Variants in BPIFB4 observed in about 807,000 individuals in gnomAD.
BPIFB4 encodes the protein BPI fold containing family B member 4, also known as BPI fold-containing family B member 4.
A neutral mutation model predicts 69.2 loss-of-function variants in BPIFB4; 62 were observed. That is an observed-to-expected ratio of 0.90 (90% confidence interval 0.73 to 1.11). The LOEUF is 1.11. BPIFB4 is among the 50% of genes least tolerant of loss of function. The probability of loss-of-function intolerance (pLI) is 0.00; values close to 1 mark genes in which losing one functional copy is unlikely to be tolerated. For synonymous variants in BPIFB4, 330 were observed against 332.7 expected, an observed-to-expected ratio of 0.99 and a Z score of 0.09; for missense variants, 789 against 792.0, an observed-to-expected ratio of 1.00 and a Z score of 0.04.
chr20:33,108,211 C>T (rs1334079484), intron 17 of BPIFB4, among the ~76,000 whole-genome samples: 5 of 152,066 alleles, frequency 3.3e-5, no homozygotes, highest in African/African-American at 1.2e-4. Flanking sequence ...ACAAGGACAA[C>T]CCTGGCCCTT....
At position 33,083,769 on chromosome 20, in the gene BPIFB4, TCGG is replaced by T; in HGVS notation, c.576_578del (p.Gly195del). 6.2e-7 allele frequency: 1 copy of T among 1,613,714 alleles called. No homozygotes were observed. Among genetic ancestry groups the T allele is most frequent in the Non-Finnish European group, 8.5e-7 (1 of 1,179,836 alleles). On this transcript the variant is annotated inframe_deletion, in exon 5 of 18. Transcript: ENST00000375483. ...ATCCTCGCAGGCCAAGGTGGCCTGCTCGGCGGAGGTGGTCTCCTTGGTGATGGA... is the reference window on the plus strand; with the variant it reads ...ATCCTCGCAGGCCAAGGTGGCCTGCTCGGAGGTGGTCTCCTTGGTGATGGA...
chr20:33,084,874 A>G lies in BPIFB4; in HGVS notation c.678-18A>G, dbSNP rs1339151164. 1 of 1,602,884 alleles carries G rather than the reference A, an allele frequency of 6.2e-7. No individual in the cohort carries two copies. Among genetic ancestry groups the G allele is most frequent in the South Asian group, 1.1e-5 (1 of 90,768 alleles). ...AGTTGGGGTGGCCGGCCTTCTCACC[A>G]CTCTGTGTCCCGAGCAGGCTGCGTA... On this transcript the variant is annotated intron_variant, in intron 5 of 17. Transcript: ENST00000375483.
intron 14 of BPIFB4, among the ~76,000 whole-genome samples, chr20:33,101,167 G>A (rs968052672): frequency 4.6e-5 from 7 of 152,180 alleles, no homozygotes; most frequent in African/African-American, 1.7e-4. Flanking sequence ...TCTCCCCTCT[G>A]ATGGTCCCAG....
At chr20:33,092,693 G>C in intron 11 of BPIFB4, 35 bp downstream of exon 11, 1 of 1,560,348 alleles carries the variant, frequency 6.4e-7, no homozygotes, top group Non-Finnish European at 8.8e-7. Flanking sequence ...AGGTGGCTGG[G>C]CAGCAGACAG....
chr20:33,101,310 C>T (rs952024389), intron 14 of BPIFB4, among the ~76,000 whole-genome samples: 1 of 152,132 alleles, frequency 6.6e-6, no homozygotes, highest in Admixed American at 6.5e-5. Flanking sequence ...TGACCTGCTG[C>T]ATTGGATGGG....
intron 13 of BPIFB4, among the ~76,000 whole-genome samples, chr20:33,098,694 G>A (rs1464148108): frequency 2.0e-5 from 3 of 148,476 alleles, no homozygotes; most frequent in African/African-American, 5.0e-5. Context: ...GCAGTGAGCC[G>A]AGATCGCACC....
At chr20:33,088,117 A>C (rs1364698140) in intron 7 of BPIFB4, among the ~76,000 whole-genome samples, 2 of 152,092 alleles carry the variant, frequency 1.3e-5, no homozygotes, top group Non-Finnish European at 2.9e-5. Context: ...TTAGACCAAA[A>C]ATCTGTCTGC....
intron 7 of BPIFB4, among the ~76,000 whole-genome samples, chr20:33,087,663 A>G (rs1981469030): frequency 6.6e-6 from 1 of 151,032 alleles, no homozygotes; most frequent in Non-Finnish European, 1.5e-5. Flanking sequence ...TTCCCAGAAG[A>G]GAAAAAGAGT....
At position 33,104,720 on chromosome 20, in the gene BPIFB4, T is replaced by C. The variant is rs1981995111; in HGVS notation, c.1681-90T>C. ...GACTCTCCCAGAGCAGGTCTGTGTCTCCACCTTGAGCCAGGGGAGCAGACC... is the reference window on the plus strand; with the variant it reads ...GACTCTCCCAGAGCAGGTCTGTGTCCCCACCTTGAGCCAGGGGAGCAGACC... On this transcript the variant is annotated intron_variant, in intron 15 of 17. Transcript: ENST00000375483. 5.6e-6 allele frequency: 7 copies of C among 1,255,668 alleles called. No homozygotes were observed. In the Admixed American group the frequency reaches 1.4e-4, roughly 24 times the overall value. 77.8% of individuals were successfully genotyped at this position (1,255,668 alleles called of 1,614,324 possible).
At chr20:33,108,502 G>T (rs1402576850) in intron 17 of BPIFB4, among the ~76,000 whole-genome samples, 3 of 147,898 alleles carry the variant, frequency 2.0e-5, no homozygotes, top group Admixed American at 6.9e-5. Flanking sequence ...CAGTCTTTCT[G>T]AAGTTTTATT....
chr20:33,103,365 A>T (rs1981958492), intron 15 of BPIFB4, among the ~76,000 whole-genome samples: 2 of 152,164 alleles, frequency 1.3e-5, no homozygotes, highest in Non-Finnish European at 2.9e-5. Flanking sequence ...TTCCTTCTGG[A>T]GTTAGGAGCC....
intron 14 of BPIFB4, among the ~76,000 whole-genome samples, chr20:33,101,694 C>A (rs1248844875): frequency 6.6e-6 from 1 of 152,080 alleles, no homozygotes; most frequent in Non-Finnish European, 1.5e-5. Context: ...TACAGGCATG[C>A]ACCACCACGC....
At chr20:33,095,826 T>TA (rs1014803260) in intron 12 of BPIFB4, among the ~76,000 whole-genome samples, 31 of 152,044 alleles carry the variant, frequency 2.0e-4, no homozygotes, top group African/African-American at 3.9e-4. Context: ...CTTCTTTTTT[T>TA]AAAAAAAAGC....
chr20:33,091,180 A>G (rs371059709), intron 10 of BPIFB4, among the ~76,000 whole-genome samples: 15 of 152,206 alleles, frequency 9.9e-5, no homozygotes, highest in South Asian at 8.3e-4. Context: ...AGGTGCTAAA[A>G]GAGCTGCTGC....
chr20:33,099,464 T>A (rs765041210), intron 13 of BPIFB4, among the ~76,000 whole-genome samples: 1 of 152,174 alleles, frequency 6.6e-6, no homozygotes, highest in Non-Finnish European at 1.5e-5. Flanking sequence ...CTGCAGTGAC[T>A]CCTGCTGTCC....
chr20:33,096,231 T>G (rs1483424210), intron 12 of BPIFB4, among the ~76,000 whole-genome samples: 1 of 152,372 alleles, frequency 6.6e-6, no homozygotes, highest in Non-Finnish European at 1.5e-5. Flanking sequence ...TCACTTCCTA[T>G]GTGCACTGCA....
At position 33,098,189 on chromosome 20, in the gene BPIFB4, C is replaced by T. The variant is rs933807420; in HGVS notation, c.1569+402C>T. 5.9e-5 allele frequency among the ~76,000 whole-genome samples: 9 copies of T among 152,290 alleles called. 1 individual carries two copies. The highest frequency in any genetic ancestry group is 1.9e-4 in the African/African-American group (8 of 41,558). On this transcript the variant is annotated intron_variant, in intron 13 of 17. Transcript: ENST00000375483. The stretch of plus-strand genomic sequence containing the variant: ...ATTAGTAAGATGCTCAGAGCAGTGC[C>T]TGACATACCCTAAAGGCTGCCAAAG...
At chr20:33,085,107 T>G in intron 6 of BPIFB4, 111 bp downstream of exon 6, 1 of 1,487,650 alleles carries the variant, frequency 6.7e-7, no homozygotes, top group Non-Finnish European at 8.9e-7. Context: ...GCCCACAGAC[T>G]TGCACCAGAG....
chr20:33,091,561 G>T, intron 10 of BPIFB4, among the ~76,000 whole-genome samples: 1 of 152,366 alleles, frequency 6.6e-6, no homozygotes, highest in East Asian at 1.9e-4. Flanking sequence ...CCGTGCTCCC[G>T]TGTATACAGG....
Sources: allele counts gnomAD v4.1 joint callset (sites outside exome capture counted in the v4.1 genomes callset), GRCh38; gene constraint gnomAD v4.1.1; transcripts MANE v1.5; gene names NCBI Gene and HGNC (gene_info 2026-07-23, HGNC 2026-07-21).